Variants in MTBP observed in about 807,000 individuals in gnomAD.
MTBP encodes the protein MDM2 binding protein.
MTBP carries 101 observed loss-of-function variants against 117.0 expected under a neutral mutation model. The observed-to-expected ratio is 0.86, with a 90% CI of 0.73 to 1.02. The LOEUF (loss-of-function observed/expected upper bound fraction) is 1.02. MTBP is among the 50% of genes least tolerant of loss of function. MTBP has a pLI of 0.00. For missense variants in MTBP, 970 were observed against 1,030.9 expected, an observed-to-expected ratio of 0.94 and a Z score of 0.81; for synonymous variants, 350 against 351.5, an observed-to-expected ratio of 1.00 and a Z score of 0.05.
intron 11 of MTBP, among the ~76,000 whole-genome samples, chr8:120,478,349 T>G (rs1813993681): frequency 6.6e-6 from 1 of 152,028 alleles, no homozygotes. Context: ...TGTATGCCTA[T>G]GTAACAAACC....
chr8:120,457,625 A>C (rs1027914326), intron 7 of MTBP, among the ~76,000 whole-genome samples: 2 of 152,176 alleles, frequency 1.3e-5, no homozygotes, highest in Admixed American at 1.3e-4. Flanking sequence ...TTTAGTATAA[A>C]GAAATCCCAC....
intron 16 of MTBP, 98 bp downstream of exon 16, chr8:120,506,959 C>T: frequency 9.6e-7 from 1 of 1,044,614 alleles, no homozygotes. Flanking sequence ...CTATGCTACT[C>T]AGGGAAAATT....
intron 11 of MTBP, among the ~76,000 whole-genome samples, chr8:120,474,376 C>CT (rs1057466702): frequency 4.0e-5 from 6 of 151,808 alleles, no homozygotes; most frequent in African/African-American, 9.7e-5. Context: ...ATTGATGGAA[C>CT]TTTTTTTTGT....
intron 10 of MTBP, among the ~76,000 whole-genome samples, chr8:120,466,433 C>T (rs1813696003): frequency 1.3e-5 from 2 of 149,888 alleles, no homozygotes; most frequent in African/African-American, 4.9e-5. Context: ...CCAGGCTGGT[C>T]TTGAACTCCT....
At chr8:120,478,584 T>A (rs1262786577) in intron 11 of MTBP, among the ~76,000 whole-genome samples, 1 of 152,172 alleles carries the variant, frequency 6.6e-6, no homozygotes, top group East Asian at 1.9e-4. Flanking sequence ...AAAAGAAACA[T>A]GTTAAAGGCA....
chr8:120,523,179 G>A lies in MTBP; in HGVS notation c.2677-119G>A, dbSNP rs1586977802. The A allele has an allele frequency of 1.0e-5, 7 of 699,018 alleles. No individual in the cohort carries two copies. The East Asian group carries it at 1.9e-4, about 19-fold the overall frequency. 43.3% of individuals were successfully genotyped at this position (699,018 alleles called of 1,614,324 possible). On this transcript the variant is annotated intron_variant, in intron 21 of 21. Transcript: ENST00000305949. ...ATGTGTATTTAAGTATAAGATTTCA[G>A]TATCTTCCTTTTTATTTGAAATTTT...
chr8:120,490,139 C>G (rs1276613609), intron 12 of MTBP, among the ~76,000 whole-genome samples: 1 of 152,038 alleles, frequency 6.6e-6, no homozygotes, highest in Non-Finnish European at 1.5e-5. Flanking sequence ...TTGGGGGTAT[C>G]TTTACAGACT....
Position 120,480,630 on chromosome 8 carries a change from G to A in MTBP, c.1166-7529G>A, listed in dbSNP as rs532473418. 2.1e-4 allele frequency among the ~76,000 whole-genome samples: 32 copies of A among 152,184 alleles called. No individual in the cohort carries two copies. In the South Asian group the frequency reaches 6.6e-3, roughly 32 times the overall value. Reference sequence around the variant, plus strand: ...CAGAATAGAGTCAGATGCCAATGGCGAAAGGACAGTTTCAACACACTGCTG... The same window carrying A: ...CAGAATAGAGTCAGATGCCAATGGCAAAAGGACAGTTTCAACACACTGCTG... On this transcript the variant is annotated intron_variant, in intron 11 of 21. Coordinates refer to ENST00000305949, the MANE Select transcript of MTBP (RefSeq NM_022045.5).
intron 10 of MTBP, among the ~76,000 whole-genome samples, chr8:120,467,458 A>C (rs1813723111): frequency 6.6e-6 from 1 of 152,150 alleles, no homozygotes; most frequent in Admixed American, 6.5e-5. Flanking sequence ...CTACTAAAAC[A>C]ATAGAAAATA....
chr8:120,459,170 A>T, intron 7 of MTBP, 45 bp from the exon 8 acceptor site: 1 of 1,511,574 alleles, frequency 6.6e-7, no homozygotes, highest in Non-Finnish European at 9.1e-7. Flanking sequence ...TCTTTATAGC[A>T]TTATTCATGA....
At chr8:120,462,145 G>A (rs1009763140) in intron 9 of MTBP, among the ~76,000 whole-genome samples, 1 of 152,074 alleles carries the variant, frequency 6.6e-6, no homozygotes, top group Non-Finnish European at 1.5e-5. Flanking sequence ...CATGATTGGG[G>A]TTAAATTCTA....
At chr8:120,516,341 A>T in intron 18 of MTBP, 150 bp downstream of exon 18, 1 of 717,584 alleles carries the variant, frequency 1.4e-6, no homozygotes. Context: ...CTTATAAGTT[A>T]TAAAAATAAA....
intron 10 of MTBP, among the ~76,000 whole-genome samples, chr8:120,470,171 A>G (rs963940350): frequency 2.6e-5 from 4 of 152,204 alleles, no homozygotes; most frequent in Admixed American, 6.5e-5. Flanking sequence ...TAAATAGATT[A>G]TGGTGATTTT....
chr8:120,480,639 G>C (rs542273156), intron 11 of MTBP, among the ~76,000 whole-genome samples: 89 of 152,218 alleles, frequency 5.8e-4, no homozygotes, highest in African/African-American at 2.0e-3. Flanking sequence ...CGAAAGGACA[G>C]TTTCAACACA....
intron 14 of MTBP, among the ~76,000 whole-genome samples, chr8:120,499,761 C>T (rs993353287): frequency 5.3e-5 from 8 of 152,208 alleles, no homozygotes; most frequent in East Asian, 3.9e-4. Context: ...GCTAATATAA[C>T]GATTTATTTA....
chr8:120,505,013 A>G (rs563006601), intron 15 of MTBP, among the ~76,000 whole-genome samples: 76 of 152,072 alleles, frequency 5.0e-4, no homozygotes, highest in African/African-American at 1.8e-3. Flanking sequence ...AATTTGTTTT[A>G]TCTGTTTCTT....
intron 2 of MTBP, among the ~76,000 whole-genome samples, chr8:120,450,035 T>G (rs117491322): frequency 0.016 from 2,377 of 152,224 alleles, 30 homozygotes; most frequent in Non-Finnish European, 0.025. Context: ...GGACCCCTTT[T>G]TTTAAAAAAG....
chr8:120,501,218 C>T (rs1341434602), intron 14 of MTBP, among the ~76,000 whole-genome samples: 12 of 138,974 alleles, frequency 8.6e-5, no homozygotes, highest in Non-Finnish European at 1.7e-4. Context: ...AAAAATTAGC[C>T]GGGCGTGGTG....
At chr8:120,489,788 C>T (rs776179615) in intron 12 of MTBP, among the ~76,000 whole-genome samples, 9 of 152,128 alleles carry the variant, frequency 5.9e-5, no homozygotes, top group South Asian at 4.1e-4. Context: ...ACTGCATGTA[C>T]GCCATTTGCA....
Sources: gnomAD v4.1 joint callset for allele counts (sites outside exome capture counted in the v4.1 genomes callset) on GRCh38, gnomAD v4.1.1 for gene constraint, MANE v1.5 for transcripts, NCBI Gene and HGNC (gene_info 2026-07-23, HGNC 2026-07-21) for gene names.